DLG2: variants seen among roughly 807,000 people sequenced by gnomAD.
The protein encoded by DLG2 is disks large homolog 2.
Under a neutral mutation model 132.5 loss-of-function variants are expected in DLG2, and 45 were observed. That is an observed-to-expected ratio of 0.34 (90% CI 0.27 to 0.44). DLG2 has a LOEUF of 0.44. Ranked by LOEUF, DLG2 falls within the 20% of genes least tolerant of loss-of-function variation. DLG2 has a pLI of 1.00. For synonymous variants in DLG2, 424 were observed against 419.6 expected (o/e 1.01, Z -0.13); for missense variants, 1,045 against 1,196.9 (o/e 0.87, Z 1.87).
intron 3 of DLG2, among the ~76,000 whole-genome samples, chr11:85,586,295 T>C (rs1450086917): frequency 1.3e-5 from 2 of 151,964 alleles, no homozygotes; most frequent in Non-Finnish European, 2.9e-5. Context: ...TACCAATTCT[T>C]TGAATGTCTG....
chr11:85,492,095 G>T (rs768526080), intron 3 of DLG2, among the ~76,000 whole-genome samples: 6 of 152,048 alleles, frequency 3.9e-5, no homozygotes, highest in Non-Finnish European at 7.4e-5. Flanking sequence ...CTTGAAAATT[G>T]TTTAGAGCAA....
chr11:84,824,658 A>C (rs76330885), intron 6 of DLG2, among the ~76,000 whole-genome samples: 11,923 of 151,808 alleles, frequency 0.079, 544 homozygotes, highest in East Asian at 0.23. Context: ...GTATGGAAAA[A>C]CTGAGGCTCA....
At chr11:85,014,787 G>A (rs1355221761) in intron 6 of DLG2, among the ~76,000 whole-genome samples, 1 of 152,208 alleles carries the variant, frequency 6.6e-6, no homozygotes, top group East Asian at 1.9e-4. Flanking sequence ...CTTTCTACCT[G>A]TCCAGGGTAC....
chr11:85,137,485 T>A lies in DLG2; in HGVS notation c.282+17071A>T, dbSNP rs190549931. On this transcript the variant is annotated intron_variant, in intron 5 of 27. Coordinates refer to ENST00000376104, the MANE Select transcript of DLG2 (RefSeq NM_001142699.3). ...ACTGCAAATCCTGAAATCGTTTCTG[T>A]CCCTCTGGGTCCAAACTGAGAGTAT... 3.3e-5 allele frequency among the ~76,000 whole-genome samples: 5 copies of A among 152,190 alleles called. No homozygotes were observed. In the East Asian group the frequency reaches 7.7e-4, roughly 24 times the overall value.
chr11:84,733,043 T>A (rs1198335539), intron 6 of DLG2, among the ~76,000 whole-genome samples: 2 of 152,180 alleles, frequency 1.3e-5, no homozygotes, highest in Non-Finnish European at 2.9e-5. Context: ...TCTATCATTG[T>A]TGGACATTTG....
intron 18 of DLG2, among the ~76,000 whole-genome samples, chr11:83,636,756 AC>A (rs1225569238): frequency 1.3e-5 from 2 of 152,164 alleles, no homozygotes; most frequent in Non-Finnish European, 2.9e-5. Flanking sequence ...CTTATTAGAT[AC>A]CCAAAATGTT....
chr11:85,379,032 C>T (rs895509171), intron 3 of DLG2, among the ~76,000 whole-genome samples: 3 of 152,088 alleles, frequency 2.0e-5, no homozygotes, highest in African/African-American at 4.8e-5. Flanking sequence ...GCAAATAATA[C>T]ATAACTTCAG....
intron 15 of DLG2, among the ~76,000 whole-genome samples, chr11:83,885,437 A>G (rs1437792715): frequency 1.3e-5 from 2 of 152,236 alleles, no homozygotes; most frequent in Non-Finnish European, 2.9e-5. Flanking sequence ...TCCAAGAAAT[A>G]TGGGACTATG....
intron 3 of DLG2, among the ~76,000 whole-genome samples, chr11:85,451,529 A>G (rs2153043205): frequency 6.6e-6 from 1 of 152,252 alleles, no homozygotes; most frequent in Non-Finnish European, 1.5e-5. Context: ...AAATCACAAT[A>G]CCTCCAAGCT....
chr11:83,560,242 G>A (rs2096588780), intron 19 of DLG2, among the ~76,000 whole-genome samples: 1 of 151,732 alleles, frequency 6.6e-6, no homozygotes, highest in Non-Finnish European at 1.5e-5. Flanking sequence ...CTCAGCCTCT[G>A]GAATAGCTGG....
intron 4 of DLG2, among the ~76,000 whole-genome samples, chr11:85,206,313 A>G (rs955009055): frequency 6.6e-6 from 1 of 152,126 alleles, no homozygotes; most frequent in Non-Finnish European, 1.5e-5. Flanking sequence ...AGTCTCAGGT[A>G]TTTCTTTATA....
rs1600258575 is a variant in DLG2, at chr11:84,343,895, T to A, written c.520-92604A>T. Among the ~76,000 whole-genome samples, 3 of 152,274 alleles carry A rather than the reference T, an allele frequency of 2.0e-5. No homozygotes were observed. The South Asian group carries it at 6.2e-4, about 32-fold the overall frequency. On this transcript the variant is annotated intron_variant, in intron 7 of 27. Coordinates refer to ENST00000376104, the MANE Select transcript of DLG2 (RefSeq NM_001142699.3). Reference sequence around the variant, plus strand: ...TATTTCTTCCACATGAAGTACTGAATACCAACTATTTATATTTTCATGAGA... The same window carrying A: ...TATTTCTTCCACATGAAGTACTGAAAACCAACTATTTATATTTTCATGAGA...
At chr11:83,506,493 G>C (rs899429330) in intron 21 of DLG2, among the ~76,000 whole-genome samples, 1 of 152,182 alleles carries the variant, frequency 6.6e-6, no homozygotes, top group Non-Finnish European at 1.5e-5. Context: ...CAGAAGTTTA[G>C]TCTAGTTATA....
chr11:83,796,455 G>A (rs1198325668), intron 17 of DLG2, among the ~76,000 whole-genome samples: 4 of 152,172 alleles, frequency 2.6e-5, no homozygotes, highest in African/African-American at 7.2e-5. Context: ...TCCAGGGAGT[G>A]ATCCCACTCC....
At chr11:84,104,852 T>A in intron 9 of DLG2, among the ~76,000 whole-genome samples, 1 of 152,256 alleles carries the variant, frequency 6.6e-6, no homozygotes, top group Middle Eastern at 3.4e-3. Flanking sequence ...TGCATGCTTA[T>A]TCTATGCTAA....
intron 21 of DLG2, among the ~76,000 whole-genome samples, chr11:83,516,741 A>G (rs906862117): frequency 6.6e-6 from 1 of 152,104 alleles, no homozygotes. Context: ...ATCTCTCAGC[A>G]TTTGCTTGTC....
intron 19 of DLG2, among the ~76,000 whole-genome samples, chr11:83,554,568 T>C (rs2096475540): frequency 6.6e-6 from 1 of 152,224 alleles, no homozygotes; most frequent in Non-Finnish European, 1.5e-5. Flanking sequence ...TTTTAAGGGA[T>C]GCAATAATGA....
At chr11:84,651,358 T>C (rs1228883353) in intron 6 of DLG2, among the ~76,000 whole-genome samples, 2 of 152,202 alleles carry the variant, frequency 1.3e-5, no homozygotes, top group African/African-American at 4.8e-5. Context: ...CCTGTTGTTA[T>C]GTAGTATTTT....
rs568226584 is a variant in DLG2 at position 83,700,514 on chromosome 11, A to C, written c.1826-67189T>G. Among the ~76,000 whole-genome samples, 138 of 152,350 alleles carry C rather than the reference A, an allele frequency of 9.1e-4. 1 individual carries two copies. Among genetic ancestry groups the C allele is most frequent in the South Asian group, 8.9e-3 (43 of 4,832 alleles). ...CTGAATACAGTGGATGAAAGACTAC[A>C]AAATGTAGAGAATCAAAATCCAACA... On this transcript the variant is annotated intron_variant, in intron 18 of 27. Transcript: ENST00000376104.
Sources: allele counts gnomAD v4.1 joint callset (sites outside exome capture counted in the v4.1 genomes callset), GRCh38; gene constraint gnomAD v4.1.1; transcripts MANE v1.5; gene names NCBI Gene and HGNC (gene_info 2026-07-23, HGNC 2026-07-21).